Variants in TPST2 observed in about 807,000 individuals in gnomAD.
TPST2 encodes the protein protein-tyrosine sulfotransferase 2.
TPST2 carries 16 observed loss-of-function variants against 27.8 expected under a neutral mutation model. That is an observed-to-expected ratio of 0.58 (90% CI 0.39 to 0.88). The LOEUF is 0.88. TPST2 is among the 40% of genes least tolerant of loss of function. TPST2 has a pLI of 0.00. For synonymous variants in TPST2, 229 were observed against 231.7 expected (o/e 0.99, Z 0.10); for missense variants, 464 against 543.1 (o/e 0.85, Z 1.45).
chr22:26,572,747 G>A (rs138085953), intron 1 of TPST2, among the ~76,000 whole-genome samples: 11 of 152,122 alleles, frequency 7.2e-5, no homozygotes, highest in African/African-American at 1.4e-4. Context: ...GAGTGCTCAC[G>A]GGCTGGGAGG....
intron 1 of TPST2, among the ~76,000 whole-genome samples, chr22:26,569,078 T>C (rs1299573657): frequency 3.9e-5 from 6 of 152,060 alleles, no homozygotes; most frequent in Non-Finnish European, 8.8e-5. Flanking sequence ...TTAGCCAGGA[T>C]GGTCTCGATC....
chr22:26,537,889 C>T (rs901788568), intron 3 of TPST2, among the ~76,000 whole-genome samples: 3 of 152,200 alleles, frequency 2.0e-5, no homozygotes, highest in Non-Finnish European at 2.9e-5. Context: ...CTCAATACCT[C>T]ACTCTTTTTG....
intron 1 of TPST2, among the ~76,000 whole-genome samples, chr22:26,583,865 C>A (rs1018783604): frequency 6.6e-6 from 1 of 152,092 alleles, no homozygotes; most frequent in Non-Finnish European, 1.5e-5. Flanking sequence ...GTTTTTAAAG[C>A]AATGGAACTG....
Position 26,569,807 on chromosome 22 carries a change from C to T in TPST2, c.-161+20246G>A, listed in dbSNP as rs955122865. On this transcript the variant is annotated intron_variant, in intron 1 of 6. Transcript: ENST00000338754. ...TCTACTAAAAAATACAAAAATTAGC[C>T]GGGCGTGGTCGCAGGCACCTGTAAT... 2.0e-5 allele frequency among the ~76,000 whole-genome samples: 3 copies of T among 151,256 alleles called. No homozygotes were observed. The South Asian group carries it at 6.3e-4, about 32-fold the overall frequency.
chr22:26,555,131 AT>A, intron 1 of TPST2: 1 of 529,856 alleles, frequency 1.9e-6, no homozygotes. Flanking sequence ...GGGAATTTGC[AT>A]TTTAACGTGG....
At chr22:26,527,780 G>A (rs529166103) in intron 6 of TPST2, among the ~76,000 whole-genome samples, 7 of 152,252 alleles carry the variant, frequency 4.6e-5, no homozygotes, top group Non-Finnish European at 4.4e-5. Flanking sequence ...ACGGCCATGG[G>A]GGTTATTCTT....
chr22:26,588,841 A>G (rs1403620016), intron 1 of TPST2, among the ~76,000 whole-genome samples: 2 of 152,166 alleles, frequency 1.3e-5, no homozygotes, highest in Admixed American at 1.3e-4. Flanking sequence ...CCCTGCTGAG[A>G]TGAAAGGGTT....
chr22:26,535,890 C>A, intron 4 of TPST2: 1 of 349,776 alleles, frequency 2.9e-6, no homozygotes, highest in South Asian at 2.3e-5. Flanking sequence ...CCACATTAAA[C>A]CTTATAAGAC....
rs967902311 is a variant in TPST2, at chr22:26,523,180, C to G, written c.*3095G>C. The G allele has an allele frequency of 7.1e-6, 1 of 140,648 alleles. No homozygotes were observed. The highest frequency in any genetic ancestry group is 1.6e-5 in the Non-Finnish European group (1 of 62,356). The allele number at this position is 140,648 out of a possible 1,614,324, so 8.7% of individuals were successfully genotyped here. On this transcript the variant is annotated 3_prime_UTR_variant, in exon 7 of 7. Coordinates refer to ENST00000338754, the MANE Select transcript of TPST2 (RefSeq NM_003595.5). The stretch of plus-strand genomic sequence containing the variant: ...CTGCAGCCTGAGCAACCAAGCGGGA[C>G]TCTGTCTCCAAAACAAACAAACAAA...
At chr22:26,555,048 A>C (rs1468865554) in intron 1 of TPST2, among the ~76,000 whole-genome samples, 3 of 152,248 alleles carry the variant, frequency 2.0e-5, no homozygotes, top group African/African-American at 7.2e-5. Flanking sequence ...TGAATAGCCC[A>C]AAACTTTAAA....
intron 6 of TPST2, 32 bp from the exon 7 acceptor site, chr22:26,526,299 A>G (rs910144219): frequency 1.3e-5 from 2 of 152,246 alleles, no homozygotes; most frequent in Non-Finnish European, 2.9e-5. Flanking sequence ...TTAGGCTCAG[A>G]GTAACAATTC....
rs989423506 is a variant in TPST2 at position 26,546,133 on chromosome 22, A to C, written c.-160-1458T>G. Among the ~76,000 whole-genome samples, 5 of 151,746 alleles carry C rather than the reference A, an allele frequency of 3.3e-5. No individual in the cohort carries two copies. The East Asian group carries it at 9.6e-4, about 29-fold the overall frequency. On this transcript the variant is annotated intron_variant, in intron 1 of 6. Transcript: ENST00000338754. ...CTTTTATTATTTGTGCCATGATGGC[A>C]ATAAACCGGCTGCAGGGTGTTGACT... is the stretch of plus-strand genomic sequence containing the variant.
chr22:26,541,398 C>T lies in TPST2; in HGVS notation c.233G>A (p.Arg78His), dbSNP rs1925815211. The change falls in exon 3 of 7, where the codon CGC (arginine) becomes CAC (histidine). Residue 78 changes from arginine (R) to histidine (H), a missense_variant. Physicochemically the swap from Arg to His is conservative, Grantham distance 29 (BLOSUM62 0). Transcript: ENST00000338754. The surrounding 1 kb of genome is among the most constrained non-coding windows in gnomAD (Gnocchi z 5.9). ...GGCGCGCATCAACGTGGTGCCACTG[C>T]GAGGCACGCCACCCACGAAGATGAG... ...MPLIFVGGVP[R>H]SGTTLMRAML... The T allele has an allele frequency of 5.1e-6, 8 of 1,561,130 alleles. No individual in the cohort carries two copies. The highest frequency in any genetic ancestry group is 1.2e-5 in the South Asian group (1 of 82,172).
intron 3 of TPST2, among the ~76,000 whole-genome samples, chr22:26,536,877 G>C (rs746132038): frequency 2.0e-5 from 3 of 152,110 alleles, no homozygotes; most frequent in Non-Finnish European, 4.4e-5. Flanking sequence ...TGGGCAACAT[G>C]GTGAAACCCC....
intron 1 of TPST2, among the ~76,000 whole-genome samples, chr22:26,554,365 C>T (rs1438016493): frequency 1.3e-5 from 2 of 152,166 alleles, no homozygotes; most frequent in African/African-American, 2.4e-5. Flanking sequence ...ACAGAGGGCC[C>T]CTGCCTGGTA....
intron 1 of TPST2, among the ~76,000 whole-genome samples, chr22:26,578,210 T>C (rs567545494): frequency 1.2e-4 from 19 of 152,284 alleles, no homozygotes; most frequent in Admixed American, 1.2e-3. Context: ...TGTCATTCCA[T>C]TTTACAGCTG....
At chr22:26,585,491 T>C (rs1393730475) in intron 1 of TPST2, among the ~76,000 whole-genome samples, 1 of 152,076 alleles carries the variant, frequency 6.6e-6, no homozygotes, top group Non-Finnish European at 1.5e-5. Flanking sequence ...GGGACAGTCA[T>C]CCCAGATCTC....
chr22:26,564,364 C>T (rs1190889391), intron 1 of TPST2, among the ~76,000 whole-genome samples: 2 of 152,212 alleles, frequency 1.3e-5, no homozygotes, highest in Admixed American at 6.5e-5. Context: ...CATCTGTGAG[C>T]GCCACTGGCA....
intron 1 of TPST2, among the ~76,000 whole-genome samples, chr22:26,544,929 G>A (rs759073300): frequency 3.3e-5 from 5 of 152,156 alleles, no homozygotes; most frequent in East Asian, 1.9e-4. Context: ...GAGCTAAGGC[G>A]CCGCTGCCTT....
Sources: gnomAD v4.1 joint callset for allele counts (sites outside exome capture counted in the v4.1 genomes callset) on GRCh38, gnomAD v4.1.1 for gene constraint, Gnocchi (gnomAD v3.1) non-coding constraint, MANE v1.5 for transcripts, NCBI Gene and HGNC (gene_info 2026-07-23, HGNC 2026-07-21) for gene names.